TMEM87A: variants seen among roughly 807,000 people sequenced by gnomAD.
The protein encoded by TMEM87A is Golgi-pH regulating cation channel.
A neutral mutation model predicts 90.0 loss-of-function variants in TMEM87A; 50 were observed. The observed-to-expected ratio is 0.56, with a 90% CI of 0.44 to 0.70. TMEM87A has a LOEUF of 0.70. Among genes scored for constraint, TMEM87A ranks in the 30% least tolerant of loss-of-function variants. The pLI is 0.00. For missense variants in TMEM87A, 577 were observed against 660.5 expected, an observed-to-expected ratio of 0.87 and a Z score of 1.39; for synonymous variants, 226 against 226.7, an observed-to-expected ratio of 1.00 and a Z score of 0.03.
intron 15 of TMEM87A, among the ~76,000 whole-genome samples, chr15:42,222,501 C>A (rs111664204): frequency 0.064 from 9,660 of 151,862 alleles, 395 homozygotes; most frequent in South Asian, 0.16. Flanking sequence ...AGGAGCAGAA[C>A]AGAAGAGAGT....
intron 9 of TMEM87A, among the ~76,000 whole-genome samples, chr15:42,236,993 A>G (rs1364742955): frequency 6.6e-6 from 1 of 152,198 alleles, no homozygotes; most frequent in Non-Finnish European, 1.5e-5. Flanking sequence ...CTAAACCATA[A>G]GCACTCTCCT....
At chr15:42,223,673 C>T (rs571894624) in intron 15 of TMEM87A, among the ~76,000 whole-genome samples, 69 of 152,166 alleles carry the variant, frequency 4.5e-4, no homozygotes, top group Non-Finnish European at 7.5e-4. Flanking sequence ...TGCGAGCCAA[C>T]AAATTTCTGT....
Position 42,259,126 on chromosome 15 carries a change from G to C in TMEM87A, c.504+1832C>G, listed in dbSNP as rs149049254. The C allele has an allele frequency of 8.6e-5, 54 of 631,394 alleles. 1 individual carries two copies. The Middle Eastern group carries it at 2.0e-3, about 23-fold the overall frequency. The allele number at this position is 631,394 out of a possible 1,614,324, so 39.1% of individuals were successfully genotyped here. On this transcript the variant is annotated intron_variant, in intron 6 of 19. Transcript: ENST00000389834. ...ACAGCTTAGCAGCCACTAGGCAAAG[G>C]GGGTAGGGGAAGCAAACACAGAGTT...
chr15:42,268,072 C>A, intron 2 of TMEM87A, 40 bp from the exon 3 acceptor site: 1 of 1,556,358 alleles, frequency 6.4e-7, no homozygotes, highest in Non-Finnish European at 8.8e-7. Context: ...AGATAATTCC[C>A]CAACAAAGCA....
Position 42,273,268 on chromosome 15 carries a change from A to C in TMEM87A, c.131T>G (p.Ile44Ser). The part of the protein sequence containing the change: ...VAAADRSKWH[I>S]PIPSGKNYFS... The stretch of plus-strand genomic sequence containing the variant: ...GTGAATACTCACCGACGGTATCGGA[A>C]TGTGCCATTTGGACCGGTCGGCAGC... Residue 44 changes from isoleucine to serine, a missense_variant, in exon 1 of 20, where the codon ATT (isoleucine) becomes AGT (serine). Transcript: ENST00000389834. 6.2e-7 allele frequency: 1 copy of C among 1,613,518 alleles called. No homozygotes were observed. The highest frequency in any genetic ancestry group is 1.1e-5 in the South Asian group (1 of 91,030).
intron 8 of TMEM87A, among the ~76,000 whole-genome samples, chr15:42,238,720 C>T (rs1223233794): frequency 1.3e-5 from 2 of 150,772 alleles, no homozygotes; most frequent in African/African-American, 4.9e-5. Flanking sequence ...TGCCACTGCA[C>T]TCCAGCCTGG....
At chr15:42,272,621 G>T (rs2051561830) in intron 1 of TMEM87A, 2 of 273,002 alleles carry the variant, frequency 7.3e-6, no homozygotes, top group Admixed American at 1.0e-4. Flanking sequence ...AATGGGTAAG[G>T]GGCAGAAAGG....
At chr15:42,219,973 T>C (rs1215876566) in intron 16 of TMEM87A, 89 bp downstream of exon 16, 32 of 1,248,060 alleles carry the variant, frequency 2.6e-5, no homozygotes, top group African/African-American at 1.2e-4. Context: ...ACACCAAATA[T>C]AGGAACAACA....
intron 17 of TMEM87A, among the ~76,000 whole-genome samples, chr15:42,218,702 A>G (rs1050005598): frequency 2.6e-5 from 4 of 152,144 alleles, no homozygotes; most frequent in African/African-American, 9.7e-5. Flanking sequence ...TTAACATAGT[A>G]TCTTCCAGGC....
chr15:42,225,667 G>T (rs553935980), intron 15 of TMEM87A, among the ~76,000 whole-genome samples: 2 of 152,240 alleles, frequency 1.3e-5, no homozygotes, highest in Non-Finnish European at 2.9e-5. Flanking sequence ...GAGTAGCTGG[G>T]ATTAGAGGTG....
intron 13 of TMEM87A, among the ~76,000 whole-genome samples, chr15:42,228,097 A>T (rs1016904820): frequency 6.6e-6 from 1 of 151,990 alleles, no homozygotes; most frequent in Admixed American, 6.6e-5. Flanking sequence ...TATCAATATA[A>T]TTTTTTTCTC....
At chr15:42,271,278 A>G (rs1168177322) in intron 2 of TMEM87A, among the ~76,000 whole-genome samples, 1 of 152,244 alleles carries the variant, frequency 6.6e-6, no homozygotes, top group Non-Finnish European at 1.5e-5. Flanking sequence ...TTTTGTAAAT[A>G]AAGGATCTAC....
chr15:42,241,730 G>A (rs1048247499), intron 7 of TMEM87A, among the ~76,000 whole-genome samples: 1 of 152,134 alleles, frequency 6.6e-6, no homozygotes, highest in African/African-American at 2.4e-5. Flanking sequence ...GCTCACACCT[G>A]TAATCCCAGC....
At chr15:42,215,093 C>T (rs1183021762) in intron 19 of TMEM87A, among the ~76,000 whole-genome samples, 1 of 152,156 alleles carries the variant, frequency 6.6e-6, no homozygotes, top group East Asian at 1.9e-4. Context: ...GCCTATTGCT[C>T]TAGGCTAAAA....
At chr15:42,223,718 T>C (rs751066867) in intron 15 of TMEM87A, among the ~76,000 whole-genome samples, 2 of 152,206 alleles carry the variant, frequency 1.3e-5, no homozygotes, top group African/African-American at 4.8e-5. Context: ...TAGTTTGTTA[T>C]AGCAGCTGAA....
intron 3 of TMEM87A, among the ~76,000 whole-genome samples, chr15:42,265,747 G>A (rs1168123932): frequency 6.6e-6 from 1 of 152,088 alleles, no homozygotes; most frequent in Non-Finnish European, 1.5e-5. Context: ...AATTGCTTTT[G>A]GCGCAATTGC....
Position 42,264,066 on chromosome 15 carries a change from T to G in TMEM87A, c.405+24A>C, listed in dbSNP as rs374538386. The G allele has an allele frequency of 1.9e-6, 3 of 1,580,790 alleles. No individual in the cohort carries two copies. In the African/African-American group the frequency reaches 4.1e-5, roughly 21 times the overall value. ...TTCCAATTTTTGCCTATTCTATTTA[T>G]CTCCAATCACTTTCAAAGATTACCT... On this transcript the variant is annotated intron_variant, in intron 4 of 19. Coordinates refer to ENST00000389834, the MANE Select transcript of TMEM87A (RefSeq NM_015497.5).
intron 6 of TMEM87A, among the ~76,000 whole-genome samples, chr15:42,252,268 T>C (rs1414684002): frequency 1.3e-5 from 2 of 152,108 alleles, no homozygotes; most frequent in Non-Finnish European, 2.9e-5. Context: ...TGTCCAACCA[T>C]TCCCAGTGAG....
At chr15:42,269,719 G>A (rs1222768783) in intron 2 of TMEM87A, among the ~76,000 whole-genome samples, 6 of 150,914 alleles carry the variant, frequency 4.0e-5, no homozygotes, top group Admixed American at 3.3e-4. Context: ...GGTGGATCAT[G>A]AGGTCAGGAG....
Sources: gnomAD v4.1 joint callset for allele counts (sites outside exome capture counted in the v4.1 genomes callset) on GRCh38, gnomAD v4.1.1 for gene constraint, MANE v1.5 for transcripts, NCBI Gene and HGNC (gene_info 2026-07-23, HGNC 2026-07-21) for gene names.